The following GLG1 variants were observed in gnomAD, a reference collection of about 807,000 sequenced individuals.
GLG1 encodes Golgi apparatus protein 1.
GLG1 carries 38 observed loss-of-function variants against 160.5 expected under a neutral mutation model. The ratio of observed to expected loss-of-function variants is 0.24; its 90% CI spans 0.18 to 0.31. The LOEUF (loss-of-function observed/expected upper bound fraction) is 0.31, where lower values mean the gene tolerates loss of function less well. GLG1 is among the 10% of genes least tolerant of loss of function. The pLI is 1.00. For synonymous variants in GLG1, 644 were observed against 543.4 expected (o/e 1.19, Z -2.57); for missense variants, 1,373 against 1,505.2 (o/e 0.91, Z 1.45).
intron 20 of GLG1, 64 bp downstream of exon 20, chr16:74,463,292 C>G: frequency 6.5e-7 from 1 of 1,545,252 alleles, no homozygotes; most frequent in South Asian, 1.1e-5. Flanking sequence ...GCAGGTCACT[C>G]TACAGCCACT....
rs550276456 is a variant in GLG1, at chr16:74,575,661, C to A, written c.438+30996G>T. On this transcript the variant is annotated intron_variant, in intron 1 of 25. Coordinates refer to ENST00000422840, the MANE Select transcript of GLG1 (RefSeq NM_001145667.2). ...TCGCCCAGGCTGGAGTGCAGTGGCACAATCTCAGCTCACTGCAACCTCTGC... is the reference window on the plus strand; with the variant it reads ...TCGCCCAGGCTGGAGTGCAGTGGCAAAATCTCAGCTCACTGCAACCTCTGC... 7.9e-5 allele frequency among the ~76,000 whole-genome samples: 12 copies of A among 152,134 alleles called. No homozygotes were observed. The East Asian group carries it at 2.1e-3, about 27-fold the overall frequency.
Position 74,448,347 on chromosome 16 carries a change from C to G in GLG1, c.*4820G>C, listed in dbSNP as rs1394077228. 6.6e-6 allele frequency: 1 copy of G among 152,160 alleles called. No individual in the cohort carries two copies. The highest frequency in any genetic ancestry group is 1.5e-5 in the Non-Finnish European group (1 of 68,054). 9.4% of individuals were successfully genotyped at this position (152,160 alleles called of 1,614,324 possible). ...GCGAGTGGGGAGGAAGGAAGTGTCCCTCAAGGCCTGAGAGAGACCCACAGC... is the reference window on the plus strand; with the variant it reads ...GCGAGTGGGGAGGAAGGAAGTGTCCGTCAAGGCCTGAGAGAGACCCACAGC... On this transcript the variant is annotated 3_prime_UTR_variant, in exon 26 of 26. Coordinates refer to ENST00000422840, the MANE Select transcript of GLG1 (RefSeq NM_001145667.2).
chr16:74,490,717 G>A (rs1016335591), intron 8 of GLG1, among the ~76,000 whole-genome samples: 1 of 152,192 alleles, frequency 6.6e-6, no homozygotes, highest in African/African-American at 2.4e-5. Flanking sequence ...ATCCAGTCTA[G>A]CAAGCTGCCC....
At chr16:74,454,188 T>C (rs1483886975) in intron 25 of GLG1, among the ~76,000 whole-genome samples, 1 of 151,924 alleles carries the variant, frequency 6.6e-6, no homozygotes, top group Non-Finnish European at 1.5e-5. Context: ...AATTCTATAT[T>C]ATTTCTAAAT....
At chr16:74,495,805 T>C (rs551955152) in intron 5 of GLG1, among the ~76,000 whole-genome samples, 12 of 152,156 alleles carry the variant, frequency 7.9e-5, no homozygotes, top group African/African-American at 2.9e-4. Flanking sequence ...GCAGAAAAAA[T>C]ACTAAGTGGA....
intron 2 of GLG1, among the ~76,000 whole-genome samples, chr16:74,531,884 A>C (rs185635104): frequency 1.3e-5 from 2 of 152,344 alleles, no homozygotes; most frequent in African/African-American, 4.8e-5. Context: ...TTATTTTCAC[A>C]TGGTAGCTGT....
At chr16:74,488,253 A>G (rs561818666) in intron 8 of GLG1, among the ~76,000 whole-genome samples, 7 of 152,258 alleles carry the variant, frequency 4.6e-5, no homozygotes, top group African/African-American at 1.7e-4. Flanking sequence ...AAAAGAAAGA[A>G]AAAAGGGGCC....
chr16:74,490,010 G>A lies in GLG1; in HGVS notation c.1449+991C>T, dbSNP rs148937764. Among the ~76,000 whole-genome samples, 15 of 152,280 alleles carry A rather than the reference G, an allele frequency of 9.9e-5. No individual in the cohort carries two copies. In the East Asian group the frequency reaches 2.9e-3, roughly 29 times the overall value. ...AATGCTAACTATAAAATAATAGACT[G>A]ATTGTGGCTTTCTAAAGTTACACTG... On this transcript the variant is annotated intron_variant, in intron 8 of 25. Coordinates refer to ENST00000422840, the MANE Select transcript of GLG1 (RefSeq NM_001145667.2).
At chr16:74,471,574 G>T (rs1482168600) in intron 14 of GLG1, among the ~76,000 whole-genome samples, 2 of 152,002 alleles carry the variant, frequency 1.3e-5, no homozygotes, top group East Asian at 3.9e-4. Flanking sequence ...CCTCCCAACT[G>T]TCAGATCCTA....
chr16:74,461,108 T>C (rs2014774075), intron 22 of GLG1, among the ~76,000 whole-genome samples: 1 of 152,114 alleles, frequency 6.6e-6, no homozygotes, highest in South Asian at 2.1e-4. Flanking sequence ...AGGCCTTTTC[T>C]AGCTAAGAAG....
At chr16:74,513,524 G>A (rs1405992099) in intron 2 of GLG1, among the ~76,000 whole-genome samples, 1 of 152,160 alleles carries the variant, frequency 6.6e-6, no homozygotes. Context: ...TGGACTTCCA[G>A]CAAACTCCAA....
At chr16:74,585,569 A>G (rs557070039) in intron 1 of GLG1, among the ~76,000 whole-genome samples, 115 of 151,290 alleles carry the variant, frequency 7.6e-4, no homozygotes, top group South Asian at 3.1e-3. Flanking sequence ...TTAGCCGGGC[A>G]TGGTAGTGTG....
At chr16:74,590,557 C>T (rs2143859607) in intron 1 of GLG1, among the ~76,000 whole-genome samples, 1 of 148,056 alleles carries the variant, frequency 6.8e-6, no homozygotes, top group East Asian at 2.0e-4. Flanking sequence ...GGAGGCGGAG[C>T]TTCCAGTGAG....
chr16:74,535,738 T>C (rs2017670227), intron 1 of GLG1, among the ~76,000 whole-genome samples: 1 of 152,218 alleles, frequency 6.6e-6, no homozygotes, highest in Non-Finnish European at 1.5e-5. Context: ...CCCAGCTTTT[T>C]CCTAGGTTTA....
intron 15 of GLG1, among the ~76,000 whole-genome samples, chr16:74,470,471 A>T (rs1486717534): frequency 1.5e-5 from 2 of 130,780 alleles, no homozygotes; most frequent in Non-Finnish European, 3.2e-5. Flanking sequence ...TTTTTTTGAC[A>T]GAGCCTCTCT....
intron 1 of GLG1, among the ~76,000 whole-genome samples, chr16:74,568,607 G>A (rs191769453): frequency 1.3e-4 from 20 of 152,022 alleles, no homozygotes; most frequent in Middle Eastern, 6.8e-3. Flanking sequence ...TAGTAGAGAC[G>A]GGGTTTCACC....
intron 10 of GLG1, among the ~76,000 whole-genome samples, chr16:74,481,098 A>C (rs2015582939): frequency 6.6e-6 from 1 of 152,176 alleles, no homozygotes; most frequent in African/African-American, 2.4e-5. Flanking sequence ...CTTTTTACTA[A>C]ATACCTTTTT....
intron 9 of GLG1, among the ~76,000 whole-genome samples, chr16:74,483,756 C>T (rs1313267827): frequency 2.0e-5 from 3 of 151,706 alleles, no homozygotes; most frequent in African/African-American, 7.3e-5. Context: ...CTCCCAGGTT[C>T]ACACCATTCT....
intron 2 of GLG1, among the ~76,000 whole-genome samples, chr16:74,529,078 C>T (rs1048668420): frequency 4.0e-5 from 6 of 151,614 alleles, no homozygotes; most frequent in Non-Finnish European, 8.8e-5. Flanking sequence ...GCAATTCTCC[C>T]GCCTCAGTCT....
Sources: allele counts gnomAD v4.1 joint callset (sites outside exome capture counted in the v4.1 genomes callset), GRCh38; gene constraint gnomAD v4.1.1; transcripts MANE v1.5; gene names NCBI Gene and HGNC (gene_info 2026-07-23, HGNC 2026-07-21).